Variants in PAK2 observed in about 807,000 individuals in gnomAD.
PAK2 encodes p21 (RAC1) activated kinase 2.
In PAK2, 21 loss-of-function variants were observed where a neutral mutation model predicts 65.9. The observed-to-expected ratio is 0.32, with a 90% confidence interval of 0.23 to 0.46. The LOEUF (loss-of-function observed/expected upper bound fraction) is 0.46. Among genes scored for constraint, PAK2 ranks in the 20% least tolerant of loss-of-function variants. The probability of loss-of-function intolerance (pLI) is 1.00; values close to 1 mark genes in which losing one functional copy is unlikely to be tolerated. For synonymous variants in PAK2, 204 were observed against 219.7 expected (o/e 0.93, Z 0.63); for missense variants, 324 against 642.6 (o/e 0.50, Z 5.36).
At chr3:196,783,579 CAA>C (rs11417269) in intron 2 of PAK2, among the ~76,000 whole-genome samples, 10 of 114,838 alleles carry the variant, frequency 8.7e-5, no homozygotes, top group Admixed American at 8.9e-5. Flanking sequence ...GAGACTCTCT[CAA>C]AAAAAAAAAA....
intron 2 of PAK2, among the ~76,000 whole-genome samples, chr3:196,796,277 C>T (rs1715258375): frequency 6.6e-6 from 1 of 152,166 alleles, no homozygotes; most frequent in Admixed American, 6.5e-5. Flanking sequence ...CACTGATACA[C>T]CTTGTAACAT....
rs138541623 is a variant in PAK2 at position 196,827,062 on chromosome 3, G to A, written c.1351-134G>A. Reference sequence around the variant, plus strand: ...GAAAGTATCAAATCTAAATTTAAATGGGATAATGATAACCCCAGTTTAGTA... The same window carrying A: ...GAAAGTATCAAATCTAAATTTAAATAGGATAATGATAACCCCAGTTTAGTA... On this transcript the variant is annotated intron_variant, in intron 13 of 14. Transcript: ENST00000327134. 3.4e-4 allele frequency: 163 copies of A among 476,120 alleles called. 1 individual carries two copies. The highest frequency in any genetic ancestry group is 3.1e-3 in the African/African-American group (156 of 49,638). The allele number at this position is 476,120 out of a possible 1,614,324, so 29.5% of individuals were successfully genotyped here. A position where few individuals can be genotyped will look rare whatever the true frequency, so the allele number is the denominator to read the frequency against.
At chr3:196,777,689 A>G (rs1714580061) in intron 1 of PAK2, among the ~76,000 whole-genome samples, 1 of 152,144 alleles carries the variant, frequency 6.6e-6, no homozygotes, top group Admixed American at 6.6e-5. Context: ...AGATACCAAT[A>G]AAGGGAATGC....
At chr3:196,813,356 G>A (rs1327805606) in intron 10 of PAK2, among the ~76,000 whole-genome samples, 2 of 151,732 alleles carry the variant, frequency 1.3e-5, no homozygotes, top group Non-Finnish European at 2.9e-5. Context: ...TACTCAGGAG[G>A]CTGAGGCAGG....
chr3:196,784,189 C>T (rs1344049478), intron 2 of PAK2, among the ~76,000 whole-genome samples: 1 of 150,474 alleles, frequency 6.6e-6, no homozygotes, highest in Non-Finnish European at 1.5e-5. Flanking sequence ...CTTACCCTGG[C>T]ATTGTTTTTG....
intron 2 of PAK2, among the ~76,000 whole-genome samples, chr3:196,798,289 A>C (rs1055541657): frequency 6.6e-5 from 10 of 152,088 alleles, no homozygotes; most frequent in African/African-American, 2.4e-4. Context: ...ACCCCTACAG[A>C]TTTTACAGAT....
intron 3 of PAK2, 78 bp downstream of exon 3, chr3:196,802,105 A>G: frequency 1.2e-6 from 1 of 863,094 alleles, no homozygotes; most frequent in Non-Finnish European, 2.0e-6. Flanking sequence ...TAAATTTGAA[A>G]TTAACATTTC....
At chr3:196,809,527 A>G in intron 7 of PAK2, among the ~76,000 whole-genome samples, 1 of 150,834 alleles carries the variant, frequency 6.6e-6, no homozygotes, top group Non-Finnish European at 1.5e-5. Context: ...TAGTTTTAGT[A>G]GAGATGGGGT....
At chr3:196,817,392 C>A (rs975593885) in intron 11 of PAK2, among the ~76,000 whole-genome samples, 1 of 151,712 alleles carries the variant, frequency 6.6e-6, no homozygotes, top group Non-Finnish European at 1.5e-5. Context: ...GCTCTGTCAC[C>A]CAGGCTGGAG....
At position 196,798,383 on chromosome 3, in the gene PAK2, G is replaced by A. The variant is rs571318716; in HGVS notation, c.188-3544G>A. Among the ~76,000 whole-genome samples the A allele has an allele frequency of 2.7e-5, 4 of 145,644 alleles. No individual in the cohort carries two copies. The South Asian group carries it at 8.7e-4, about 32-fold the overall frequency. On this transcript the variant is annotated intron_variant, in intron 2 of 14. Coordinates refer to ENST00000327134, the MANE Select transcript of PAK2 (RefSeq NM_002577.4). The stretch of plus-strand genomic sequence containing the variant: ...TTTGGAGAAGGAGTCTTGCTTTGTT[G>A]CCCAGGCTGGAGTACAGTGGTGCGA...
chr3:196,802,286 A>G (rs1715443695), intron 3 of PAK2, among the ~76,000 whole-genome samples: 1 of 152,148 alleles, frequency 6.6e-6, no homozygotes, highest in Non-Finnish European at 1.5e-5. Flanking sequence ...CTGTAATTCC[A>G]ACTACTCAGG....
intron 1 of PAK2, among the ~76,000 whole-genome samples, chr3:196,773,962 G>A (rs184658007): frequency 2.6e-5 from 4 of 152,242 alleles, no homozygotes; most frequent in Admixed American, 1.3e-4. Context: ...GAATCCAGGA[G>A]GTAGAGGTTA....
intron 1 of PAK2, among the ~76,000 whole-genome samples, chr3:196,766,791 A>G (rs976565338): frequency 3.0e-5 from 4 of 133,778 alleles, no homozygotes; most frequent in East Asian, 2.5e-4. Flanking sequence ...TCTTAATTTG[A>G]TTGTGATAAT....
At chr3:196,740,428 C>T (rs1417876012) in intron 1 of PAK2, among the ~76,000 whole-genome samples, 2 of 152,166 alleles carry the variant, frequency 1.3e-5, no homozygotes, top group Admixed American at 1.3e-4. Flanking sequence ...CAGCCCTGCT[C>T]TGAACCTCGC....
intron 2 of PAK2, among the ~76,000 whole-genome samples, chr3:196,786,929 A>G (rs986489299): frequency 6.6e-6 from 1 of 151,628 alleles, no homozygotes; most frequent in African/African-American, 2.4e-5. Flanking sequence ...GATTCAAGTG[A>G]TCCTCCTGCC....
intron 2 of PAK2, among the ~76,000 whole-genome samples, chr3:196,790,440 A>C (rs1235061463): frequency 1.3e-5 from 2 of 152,186 alleles, no homozygotes; most frequent in Non-Finnish European, 2.9e-5. Context: ...TTTTATTAAA[A>C]TAAGTTTTTT....
At chr3:196,803,352 T>C (rs926621438) in intron 4 of PAK2, among the ~76,000 whole-genome samples, 188 bp downstream of exon 4, 3 of 152,232 alleles carry the variant, frequency 2.0e-5, no homozygotes, top group Admixed American at 6.5e-5. Context: ...CTGTGAATTA[T>C]AGTAATCTCA....
intron 1 of PAK2, among the ~76,000 whole-genome samples, chr3:196,765,159 T>A (rs971132771): frequency 6.8e-6 from 1 of 147,682 alleles, no homozygotes; most frequent in Non-Finnish European, 1.5e-5. Context: ...TTTTTTTTTT[T>A]TTTTTTGAGA....
rs115569961 is a variant in PAK2 at position 196,824,290 on chromosome 3, A to G, written c.1351-2906A>G. Among the ~76,000 whole-genome samples, 773 of 152,326 alleles carry G rather than the reference A, an allele frequency of 5.1e-3. 11 individuals are homozygous for G. Among genetic ancestry groups the G allele is most frequent in the East Asian group, 0.044 (228 of 5,186 alleles). On this transcript the variant is annotated intron_variant, in intron 13 of 14. Coordinates refer to ENST00000327134, the MANE Select transcript of PAK2 (RefSeq NM_002577.4). ...AGATTTTATCTGCCTGATGGGGGGA[A>G]AAAGCATATTGGTAGGAATACAGAA... is the stretch of plus-strand genomic sequence containing the variant.
Sources: gnomAD v4.1 joint callset for allele counts (sites outside exome capture counted in the v4.1 genomes callset) on GRCh38, gnomAD v4.1.1 for gene constraint, MANE v1.5 for transcripts, NCBI Gene and HGNC (gene_info 2026-07-23, HGNC 2026-07-21) for gene names.